STK32A: variants seen among roughly 807,000 people sequenced by gnomAD.
The protein encoded by STK32A is serine/threonine-protein kinase 32A.
Under a neutral mutation model 53.2 loss-of-function variants are expected in STK32A, and 41 were observed. That is an observed-to-expected ratio of 0.77 (90% CI 0.60 to 1.00). The LOEUF is 1.00. Among genes scored for constraint, STK32A ranks in the 50% least tolerant of loss-of-function variants. STK32A has a pLI of 0.00. For synonymous variants in STK32A, 166 were observed against 162.8 expected (o/e 1.02, Z -0.15); for missense variants, 458 against 485.8 (o/e 0.94, Z 0.54).
At chr5:147,310,751 G>A (rs1245753644) in intron 4 of STK32A, among the ~76,000 whole-genome samples, 2 of 151,740 alleles carry the variant, frequency 1.3e-5, no homozygotes, top group African/African-American at 2.4e-5. Context: ...TGAGCATGCC[G>A]TCTTGGCTTG....
chr5:147,363,353 G>A (rs1014640366), intron 8 of STK32A, among the ~76,000 whole-genome samples: 4 of 151,648 alleles, frequency 2.6e-5, no homozygotes, highest in Non-Finnish European at 5.9e-5. Context: ...CACTCTCATG[G>A]CTGGGGATGG....
chr5:147,303,253 T>G (rs921825549), intron 4 of STK32A, among the ~76,000 whole-genome samples: 8 of 152,218 alleles, frequency 5.3e-5, no homozygotes, highest in African/African-American at 1.7e-4. Flanking sequence ...CAGCAAGTAT[T>G]GATGTCTCAT....
intron 6 of STK32A, chr5:147,348,718 C>T (rs1171194408): frequency 1.3e-6 from 1 of 773,616 alleles, no homozygotes; most frequent in Non-Finnish European, 2.4e-6. Flanking sequence ...CTACAAGTCC[C>T]ACTGAATTGG....
chr5:147,285,027 G>A (rs1752263263), intron 4 of STK32A, among the ~76,000 whole-genome samples: 1 of 152,060 alleles, frequency 6.6e-6, no homozygotes, highest in African/African-American at 2.4e-5. Context: ...AAATCTGGAG[G>A]CATCACACTA....
intron 2 of STK32A, among the ~76,000 whole-genome samples, chr5:147,263,871 C>G (rs1373601124): frequency 2.0e-5 from 3 of 151,970 alleles, no homozygotes; most frequent in African/African-American, 7.2e-5. Flanking sequence ...TATTAAATGC[C>G]CAGCACAATG....
intron 2 of STK32A, chr5:147,240,298 CTA>C (rs1384757478): frequency 6.6e-6 from 1 of 152,298 alleles, no homozygotes; most frequent in African/African-American, 2.4e-5. Flanking sequence ...CTCTTCCTTC[CTA>C]TATGTTAAGT....
chr5:147,342,703 C>T, intron 5 of STK32A: 1 of 365,504 alleles, frequency 2.7e-6, no homozygotes, highest in Non-Finnish European at 5.0e-6. Context: ...TATCTACATG[C>T]TTAGATACAA....
At chr5:147,395,573 C>T in the STK32A span, 3 of 1,612,840 alleles carry the variant, frequency 1.9e-6, no homozygotes, top group Non-Finnish European at 2.5e-6. Context: ...CAGGCTAAAT[C>T]CCGACTGATG....
intron 2 of STK32A, among the ~76,000 whole-genome samples, chr5:147,256,141 T>C (rs900405491): frequency 6.6e-5 from 10 of 152,162 alleles, no homozygotes; most frequent in African/African-American, 2.4e-4. Flanking sequence ...GGCTGACTGA[T>C]TGATAAGCTC....
chr5:147,245,822 T>C (rs760249451), intron 2 of STK32A, among the ~76,000 whole-genome samples: 1 of 152,214 alleles, frequency 6.6e-6, no homozygotes, highest in South Asian at 2.1e-4. Context: ...TGTTCTACTT[T>C]TATTTGGCAA....
At chr5:147,306,412 C>T (rs2151968571) in intron 4 of STK32A, among the ~76,000 whole-genome samples, 1 of 151,670 alleles carries the variant, frequency 6.6e-6, no homozygotes, top group East Asian at 1.9e-4. Flanking sequence ...GTTCCAGGTG[C>T]TGAAATGGAG....
chr5:147,384,182 CTG>C lies in STK32A; in HGVS notation c.*204_*205del. On this transcript the variant is annotated 3_prime_UTR_variant, in exon 13 of 13. Transcript: ENST00000397936. ...TGGGATGTCATTTCACATCAATCAA[CTG>C]TGTGATCTAGAGCAAGTCACTTAGC... The C allele has an allele frequency of 7.0e-7, 1 of 1,429,538 alleles. No individual in the cohort carries two copies. The highest frequency in any genetic ancestry group is 9.1e-7 in the Non-Finnish European group (1 of 1,102,738). The allele number at this position is 1,429,538 out of a possible 1,614,324, so 88.6% of individuals were successfully genotyped here.
intron 7 of STK32A, among the ~76,000 whole-genome samples, chr5:147,351,719 C>T (rs573200920): frequency 2.5e-4 from 38 of 152,098 alleles, no homozygotes; most frequent in Admixed American, 4.6e-4. Context: ...TGGTAGCATG[C>T]GCCTGTAGTC....
intron 5 of STK32A, among the ~76,000 whole-genome samples, chr5:147,336,428 C>A (rs576765237): frequency 4.1e-4 from 62 of 152,040 alleles, no homozygotes; most frequent in African/African-American, 1.3e-3. Flanking sequence ...GGGCTTCCAT[C>A]AGCATCCCTT....
chr5:147,340,793 G>A (rs756126750), intron 5 of STK32A, among the ~76,000 whole-genome samples: 3 of 151,912 alleles, frequency 2.0e-5, no homozygotes, highest in Non-Finnish European at 4.4e-5. Flanking sequence ...GGTTCTTTAC[G>A]AAGCTTTCTC....
At position 147,365,355 on chromosome 5, in the gene STK32A, G is replaced by A. The variant is rs12657115; in HGVS notation, c.660+3741G>A. Among the ~76,000 whole-genome samples, 15 of 152,268 alleles carry A rather than the reference G, an allele frequency of 9.9e-5. No homozygotes were observed. The East Asian group carries it at 2.3e-3, about 24-fold the overall frequency. On this transcript the variant is annotated intron_variant, in intron 8 of 12. Coordinates refer to ENST00000397936, the MANE Select transcript of STK32A (RefSeq NM_001112724.2). ...TTGTTTGTACTCCTGCCTTTCCTGA[G>A]GAAGTCATTGTAGCACTATTTCTTA...
chr5:147,328,758 A>C (rs1219075049), intron 5 of STK32A, among the ~76,000 whole-genome samples: 1 of 152,148 alleles, frequency 6.6e-6, no homozygotes, highest in Non-Finnish European at 1.5e-5. Flanking sequence ...CTATTTGTTG[A>C]TTGCCTCAGC....
intron 9 of STK32A, among the ~76,000 whole-genome samples, chr5:147,371,996 T>C (rs577136468): frequency 6.6e-6 from 1 of 152,308 alleles, no homozygotes; most frequent in South Asian, 2.1e-4. Context: ...AGCATTTGTG[T>C]GATCCTTGGT....
intron 8 of STK32A, among the ~76,000 whole-genome samples, 191 bp downstream of exon 8, chr5:147,361,805 T>C (rs1756518305): frequency 1.3e-5 from 2 of 152,196 alleles, no homozygotes; most frequent in Non-Finnish European, 2.9e-5. Context: ...GGACCAACCA[T>C]GTCAATTACC....
Sources: allele counts gnomAD v4.1 joint callset (sites outside exome capture counted in the v4.1 genomes callset), GRCh38; gene constraint gnomAD v4.1.1; transcripts MANE v1.5; gene names NCBI Gene and HGNC (gene_info 2026-07-23, HGNC 2026-07-21).